ZNF438: variants seen among roughly 807,000 people sequenced by gnomAD.
ZNF438 encodes the protein zinc finger protein 438.
A neutral mutation model predicts 38.0 loss-of-function variants in ZNF438; 25 were observed. The ratio of observed to expected loss-of-function variants is 0.66; its 90% confidence interval spans 0.48 to 0.92. The LOEUF is 0.92. Among genes scored for constraint, ZNF438 ranks in the 40% least tolerant of loss-of-function variants. The pLI is 0.00. For missense variants in ZNF438, 1,007 were observed against 999.6 expected (o/e 1.01, Z -0.10); for synonymous variants, 372 against 364.1 (o/e 1.02, Z -0.25).
intron 2 of ZNF438, among the ~76,000 whole-genome samples, chr10:30,930,164 TG>T (rs1164296582): frequency 5.9e-4 from 20 of 33,766 alleles, no homozygotes; most frequent in Non-Finnish European, 1.2e-3. Flanking sequence ...GGGGCGGGGG[TG>T]GGGGGGGAGT....
chr10:30,965,676 T>C (rs367723158), intron 1 of ZNF438, among the ~76,000 whole-genome samples: 1 of 152,186 alleles, frequency 6.6e-6, no homozygotes, highest in Non-Finnish European at 1.5e-5. Flanking sequence ...AAGTACTGCA[T>C]GTCCTCACTT....
chr10:30,946,567 C>G (rs573169368), intron 1 of ZNF438, among the ~76,000 whole-genome samples: 8 of 152,268 alleles, frequency 5.3e-5, no homozygotes, highest in African/African-American at 1.9e-4. Context: ...AAGAAGACAT[C>G]TATGCAGCCA....
chr10:31,009,940 C>T (rs2133051048), intron 1 of ZNF438, among the ~76,000 whole-genome samples: 2 of 151,736 alleles, frequency 1.3e-5, no homozygotes, highest in Middle Eastern at 6.8e-3. Flanking sequence ...CCTCCACCTC[C>T]CAAGTTCAAG....
chr10:30,869,094 C>T (rs3121194), intron 4 of ZNF438, among the ~76,000 whole-genome samples: 18,272 of 152,280 alleles, frequency 0.12, 1,454 homozygotes, highest in Middle Eastern at 0.24. Context: ...CTATTTCGGC[C>T]GGCCACAGTG....
chr10:30,859,664 G>C (rs1350917135), intron 4 of ZNF438, among the ~76,000 whole-genome samples: 2 of 152,138 alleles, frequency 1.3e-5, no homozygotes, highest in Non-Finnish European at 2.9e-5. Flanking sequence ...TGCCTACAAA[G>C]GTCCCTGTCA....
intron 3 of ZNF438, among the ~76,000 whole-genome samples, chr10:30,894,036 A>T (rs1289673233): frequency 6.6e-6 from 1 of 152,216 alleles, no homozygotes; most frequent in Non-Finnish European, 1.5e-5. Context: ...ACATCAGAGG[A>T]CTAGAACAAA....
At chr10:30,910,185 G>T (rs2042940448) in intron 2 of ZNF438, among the ~76,000 whole-genome samples, 1 of 152,136 alleles carries the variant, frequency 6.6e-6, no homozygotes, top group Non-Finnish European at 1.5e-5. Flanking sequence ...AAAGGGGGAA[G>T]AAGATTCACC....
chr10:30,984,744 TAG>T (rs2052585226), intron 1 of ZNF438, among the ~76,000 whole-genome samples: 5 of 152,198 alleles, frequency 3.3e-5, no homozygotes, highest in African/African-American at 1.2e-4. Flanking sequence ...CTGTGGAAAT[TAG>T]TAAACAGTCA....
At chr10:31,024,627 C>CAA (rs372984714) in intron 1 of ZNF438, among the ~76,000 whole-genome samples, 1 of 128,384 alleles carries the variant, frequency 7.8e-6, no homozygotes. Flanking sequence ...GACTCTGTCT[C>CAA]AAAAAAAAAA....
At chr10:30,845,264 C>G (rs555394190) in exon 6 of ZNF438, 1 of 1,614,060 alleles carries the variant, frequency 6.2e-7, no homozygotes, top group Non-Finnish European at 8.5e-7. Flanking sequence ...GGTGGAGCTG[C>G]CTTTTCAGTC....
chr10:30,933,135 T>G (rs1378175883), intron 2 of ZNF438, among the ~76,000 whole-genome samples: 1 of 152,232 alleles, frequency 6.6e-6, no homozygotes, highest in South Asian at 2.1e-4. Context: ...TATTGAAATA[T>G]GTCATCCAAT....
At chr10:30,880,776 A>T (rs1377618366) in intron 3 of ZNF438, among the ~76,000 whole-genome samples, 2 of 152,176 alleles carry the variant, frequency 1.3e-5, no homozygotes, top group Non-Finnish European at 2.9e-5. Flanking sequence ...AAATCCAACA[A>T]TATGAGAATA....
At chr10:30,876,942 T>C (rs2038516688) in intron 4 of ZNF438, 56 bp downstream of exon 5, 3 of 1,391,310 alleles carry the variant, frequency 2.2e-6, no homozygotes, top group Non-Finnish European at 3.0e-6. Flanking sequence ...ACATTCAATG[T>C]ATCAAATTAA....
rs199527053 is a variant in ZNF438 at position 30,943,115 on chromosome 10, G to GT, written c.-191-1465dup. Reference sequence around the variant, plus strand: ...TAACAAGGTTTTTGTCATTGGTGCTGTTTTTTTTTCATTTTTAATGCTAGT... The same window carrying GT: ...TAACAAGGTTTTTGTCATTGGTGCTGTTTTTTTTTTCATTTTTAATGCTAGT... On this transcript the variant is annotated intron_variant, in intron 1 of 5. Transcript: ENST00000413025. 5.3e-3 allele frequency among the ~76,000 whole-genome samples: 799 copies of GT among 150,452 alleles called. 4 individuals carry two copies. The highest frequency in any genetic ancestry group is 0.021 in the Middle Eastern group (6 of 290).
chr10:30,988,745 T>C (rs1169443056), intron 1 of ZNF438, among the ~76,000 whole-genome samples: 2 of 152,236 alleles, frequency 1.3e-5, no homozygotes, highest in Admixed American at 1.3e-4. Context: ...ATGAAACCAA[T>C]TTGTCAGTCA....
rs556710784 is a variant in ZNF438, at chr10:30,914,021, A to G, written c.-114-5006T>C. Reference sequence around the variant, plus strand: ...TGTCCTAAACACGTTTTAAACTGATATTTTGCATTATTGCTTCACATTTTA... The same window carrying G: ...TGTCCTAAACACGTTTTAAACTGATGTTTTGCATTATTGCTTCACATTTTA... On this transcript the variant is annotated intron_variant, in intron 2 of 5. Coordinates refer to ENST00000413025, the Ensembl canonical transcript of ZNF438. 3.9e-4 allele frequency among the ~76,000 whole-genome samples: 59 copies of G among 152,256 alleles called. 1 individual carries two copies. In the South Asian group the frequency reaches 0.012, roughly 30 times the overall value.
At chr10:30,910,277 TGGAGAACATAA>T (rs1456801933) in intron 2 of ZNF438, 1 of 152,214 alleles carries the variant, frequency 6.6e-6, no homozygotes, top group African/African-American at 2.4e-5. Flanking sequence ...CTGGGAAAGA[TGGAGAACATAA>T]GGGTCAATGA....
intron 2 of ZNF438, among the ~76,000 whole-genome samples, chr10:30,927,968 G>A (rs2045160080): frequency 6.6e-6 from 1 of 152,098 alleles, no homozygotes. Context: ...ATTCTAAGAA[G>A]TTACATTGGC....
At chr10:30,994,704 A>G (rs1186380368) in intron 1 of ZNF438, among the ~76,000 whole-genome samples, 2 of 152,168 alleles carry the variant, frequency 1.3e-5, no homozygotes, top group South Asian at 4.1e-4. Context: ...AACAGATGCC[A>G]TTAGGAGAAA....
Sources: allele counts gnomAD v4.1 joint callset (sites outside exome capture counted in the v4.1 genomes callset), GRCh38; gene constraint gnomAD v4.1.1; transcripts MANE v1.5; gene names NCBI Gene and HGNC (gene_info 2026-07-23, HGNC 2026-07-21).